Variants in TPTE observed in about 807,000 individuals in gnomAD.
TPTE encodes the protein transmembrane phosphatase with tensin homology.
In TPTE, 59 loss-of-function variants were observed where a neutral mutation model predicts 84.1. The ratio of observed to expected loss-of-function variants is 0.70; its 90% confidence interval spans 0.57 to 0.87. The LOEUF (loss-of-function observed/expected upper bound fraction) is 0.87. Among genes scored for constraint, TPTE ranks in the 40% least tolerant of loss-of-function variants. The probability of loss-of-function intolerance (pLI) is 0.00; values close to 1 mark genes in which losing one functional copy is unlikely to be tolerated. For synonymous variants in TPTE, 130 were observed against 223.5 expected (o/e 0.58, Z 3.73); for missense variants, 382 against 659.6 (o/e 0.58, Z 4.61).
Position 10,605,504 on chromosome 21 carries a change from T to G in TPTE, c.1608T>G (p.Leu536=), listed in dbSNP as rs760170461. The change falls in exon 24 of 24, where the codon CTT becomes CTG. Residue 536 remains leucine (L), a synonymous_variant. Coordinates refer to ENST00000618007, the MANE Select transcript of TPTE (RefSeq NM_199261.4). The part of the protein sequence containing the change: ...IYPSDFAVEI[L]FGEKMTSSDV... ...CATCAGATTTTGCCGTGGAGATACT[T>G]TTTGGCGAGAAAATGACTTCCAGTG... 6 of 1,614,102 alleles carry G rather than the reference T, an allele frequency of 3.7e-6. No homozygotes were observed. In the South Asian group the frequency reaches 6.6e-5, roughly 18 times the overall value.
chr21:10,595,132 T>G (rs2075557345), intron 19 of TPTE, among the ~76,000 whole-genome samples: 1 of 152,312 alleles, frequency 6.6e-6, no homozygotes, highest in Non-Finnish European at 1.5e-5. Flanking sequence ...AACCTCGACC[T>G]CTTGGGTTCA....
chr21:10,527,107 AC>A (rs1485988789), intron 2 of TPTE, among the ~76,000 whole-genome samples: 9 of 152,292 alleles, frequency 5.9e-5, no homozygotes, highest in African/African-American at 1.9e-4. Context: ...CATTATTCTT[AC>A]ATTTTCTTTC....
At chr21:10,585,506 G>T (rs1300889691) in intron 17 of TPTE, among the ~76,000 whole-genome samples, 1 of 152,306 alleles carries the variant, frequency 6.6e-6, no homozygotes, top group Non-Finnish European at 1.5e-5. Context: ...TAAATTGCCG[G>T]ATTCTGTCCG....
chr21:10,566,120 A>G (rs1193717033), intron 10 of TPTE, among the ~76,000 whole-genome samples: 5 of 152,296 alleles, frequency 3.3e-5, no homozygotes, highest in African/African-American at 9.6e-5. Flanking sequence ...CTGAAAAGGG[A>G]TTAATAACCA....
intron 8 of TPTE, among the ~76,000 whole-genome samples, chr21:10,559,232 A>G (rs2074744541): frequency 6.6e-6 from 1 of 152,308 alleles, no homozygotes; most frequent in Non-Finnish European, 1.5e-5. Context: ...ATTGCCATAA[A>G]GTTGGGGTTG....
chr21:10,558,528 G>T (rs554986499), intron 8 of TPTE, among the ~76,000 whole-genome samples: 1 of 152,422 alleles, frequency 6.6e-6, no homozygotes, highest in South Asian at 2.1e-4. Context: ...TCATATGTTT[G>T]TTGGCCACAT....
chr21:10,601,942 T>G (rs1187453408), intron 21 of TPTE, 116 bp from the exon 22 acceptor site: 1 of 1,073,364 alleles, frequency 9.3e-7, no homozygotes, highest in South Asian at 1.4e-5. Context: ...ATGTAGTGAT[T>G]GGGCTGTGAG....
At chr21:10,526,177 T>C (rs2074075130) in intron 2 of TPTE, among the ~76,000 whole-genome samples, 1 of 152,312 alleles carries the variant, frequency 6.6e-6, no homozygotes, top group Non-Finnish European at 1.5e-5. Context: ...TCCTGAGACC[T>C]GGATGAATTT....
chr21:10,600,635 T>G (rs1978359922), intron 21 of TPTE, among the ~76,000 whole-genome samples: 1 of 152,306 alleles, frequency 6.6e-6, no homozygotes, highest in African/African-American at 2.4e-5. Context: ...ACCCAGTCTT[T>G]ATCATACAGA....
chr21:10,547,390 T>C (rs1311019198), intron 7 of TPTE, among the ~76,000 whole-genome samples: 2 of 152,306 alleles, frequency 1.3e-5, no homozygotes, highest in African/African-American at 4.8e-5. Flanking sequence ...CTGGATTGAA[T>C]TGGCCCAGAG....
chr21:10,566,264 T>G (rs1199367575), intron 10 of TPTE, among the ~76,000 whole-genome samples: 2 of 152,308 alleles, frequency 1.3e-5, no homozygotes, highest in African/African-American at 4.8e-5. Context: ...CTTGACATGA[T>G]TGATCATTAG....
intron 10 of TPTE, among the ~76,000 whole-genome samples, chr21:10,563,393 C>G (rs1443981702): frequency 2.0e-5 from 3 of 152,296 alleles, no homozygotes; most frequent in African/African-American, 7.2e-5. Flanking sequence ...ATAAACTACT[C>G]TTACTCTAAG....
intron 19 of TPTE, among the ~76,000 whole-genome samples, chr21:10,595,086 A>G (rs2075556233): frequency 1.3e-5 from 2 of 152,312 alleles, no homozygotes; most frequent in Non-Finnish European, 2.9e-5. Context: ...TCTGTCGCCC[A>G]GACTAGAGTG....
chr21:10,531,248 G>C (rs571257859), intron 3 of TPTE, among the ~76,000 whole-genome samples: 1 of 152,220 alleles, frequency 6.6e-6, no homozygotes, highest in Non-Finnish European at 1.5e-5. Flanking sequence ...CCTAATGGAA[G>C]GTGTTTGGAA....
chr21:10,589,524 G>T (rs1412365889), intron 17 of TPTE, among the ~76,000 whole-genome samples: 213 of 151,556 alleles, frequency 1.4e-3, no homozygotes, highest in Admixed American at 7.4e-3. Flanking sequence ...AGATAGGGAA[G>T]ATTCCCCCAG....
rs367583726 is a variant in TPTE, at chr21:10,541,414, A to G, written c.65+249A>G. Among the ~76,000 whole-genome samples the G allele has an allele frequency of 1.7e-4, 26 of 152,400 alleles. No individual in the cohort carries two copies. The East Asian group carries it at 4.8e-3, about 28-fold the overall frequency. On this transcript the variant is annotated intron_variant, in intron 5 of 23. Coordinates refer to ENST00000618007, the MANE Select transcript of TPTE (RefSeq NM_199261.4). ...TTGAACCTGGGGAAGTGGAGTTTGC[A>G]GTGAGCTGAGAACATGCCGCTGCAT... is the stretch of plus-strand genomic sequence containing the variant.
chr21:10,576,851 A>C (rs1487793019), intron 14 of TPTE, among the ~76,000 whole-genome samples: 1 of 28,398 alleles, frequency 3.5e-5, no homozygotes, highest in African/African-American at 3.1e-4. Flanking sequence ...ATATATATAT[A>C]TATATATATA....
intron 3 of TPTE, among the ~76,000 whole-genome samples, chr21:10,529,830 C>G (rs1399992188): frequency 6.6e-6 from 1 of 152,308 alleles, no homozygotes; most frequent in African/African-American, 2.4e-5. Context: ...GTATCCTGTT[C>G]CACATAAAAC....
intron 3 of TPTE, among the ~76,000 whole-genome samples, chr21:10,532,583 G>T (rs1304907042): frequency 6.6e-6 from 1 of 152,304 alleles, no homozygotes; most frequent in East Asian, 1.9e-4. Flanking sequence ...CTACTTAAAT[G>T]TGTACTCTTT....
Sources: allele counts gnomAD v4.1 joint callset (sites outside exome capture counted in the v4.1 genomes callset), GRCh38; gene constraint gnomAD v4.1.1; transcripts MANE v1.5; gene names NCBI Gene and HGNC (gene_info 2026-07-23, HGNC 2026-07-21).